SORCS2: variants seen among roughly 807,000 people sequenced by gnomAD.
The protein encoded by SORCS2 is VPS10 domain-containing receptor SorCS2.
A neutral mutation model predicts 141.6 loss-of-function variants in SORCS2; 100 were observed. The ratio of observed to expected loss-of-function variants is 0.71; its 90% confidence interval spans 0.60 to 0.83. SORCS2 has a LOEUF of 0.83. Ranked by LOEUF, SORCS2 falls within the 40% of genes least tolerant of loss-of-function variation. The pLI, the probability that SORCS2 is intolerant of heterozygous loss-of-function variation, is 0.00. For missense variants in SORCS2, 1,646 were observed against 1,560.2 expected (o/e 1.05, Z -0.93); for synonymous variants, 789 against 676.9 (o/e 1.17, Z -2.57).
At chr4:7,301,056 G>C (rs1021331325) in intron 1 of SORCS2, among the ~76,000 whole-genome samples, 3 of 152,128 alleles carry the variant, frequency 2.0e-5, no homozygotes, top group Non-Finnish European at 4.4e-5. Context: ...TGGTTTAGCA[G>C]CATCTCCGTG....
intron 2 of SORCS2, among the ~76,000 whole-genome samples, chr4:7,513,351 A>G (rs1732780294): frequency 6.6e-6 from 1 of 152,204 alleles, no homozygotes; most frequent in Non-Finnish European, 1.5e-5. Context: ...AACCCTGCAG[A>G]GGTGGGGCTG....
At chr4:7,511,087 G>A (rs1732613251) in intron 2 of SORCS2, among the ~76,000 whole-genome samples, 1 of 152,174 alleles carries the variant, frequency 6.6e-6, no homozygotes, top group Non-Finnish European at 1.5e-5. Context: ...GAGGATGAAT[G>A]AGGGAGAGAA....
intron 2 of SORCS2, among the ~76,000 whole-genome samples, chr4:7,507,423 C>A (rs895555405): frequency 6.6e-6 from 1 of 152,238 alleles, no homozygotes; most frequent in Non-Finnish European, 1.5e-5. Flanking sequence ...GTCCGCCCCC[C>A]TCGGCCTCCC....
chr4:7,659,572 C>CCTGT (rs1281493235), intron 5 of SORCS2, among the ~76,000 whole-genome samples: 1 of 152,216 alleles, frequency 6.6e-6, no homozygotes, highest in African/African-American at 2.4e-5. Context: ...CAGCCTTTGC[C>CCTGT]CTGTCATTGC....
intron 4 of SORCS2, among the ~76,000 whole-genome samples, chr4:7,649,762 T>A (rs963055209): frequency 6.6e-6 from 1 of 152,106 alleles, no homozygotes; most frequent in Non-Finnish European, 1.5e-5. Context: ...TTGGGCTTGA[T>A]GACCTGTTTC....
intron 2 of SORCS2, among the ~76,000 whole-genome samples, chr4:7,491,699 G>A (rs1017947408): frequency 1.3e-5 from 2 of 152,230 alleles, no homozygotes; most frequent in Non-Finnish European, 2.9e-5. Context: ...TTAAGTCTGC[G>A]TGACCCATGC....
chr4:7,615,662 T>A (rs1249474824), intron 3 of SORCS2, among the ~76,000 whole-genome samples: 1 of 152,190 alleles, frequency 6.6e-6, no homozygotes, highest in Non-Finnish European at 1.5e-5. Context: ...CCCCAACTGT[T>A]CTTCATCCTT....
chr4:7,692,346 G>T (rs922521503), intron 11 of SORCS2, among the ~76,000 whole-genome samples: 1 of 152,218 alleles, frequency 6.6e-6, no homozygotes, highest in African/African-American at 2.4e-5. Context: ...CCAGAGGCAG[G>T]CAGACAAGAG....
At chr4:7,411,342 A>G (rs1560262629) in intron 2 of SORCS2, among the ~76,000 whole-genome samples, 1 of 151,514 alleles carries the variant, frequency 6.6e-6, no homozygotes, top group Non-Finnish European at 1.5e-5. Flanking sequence ...TTCTCTGCCT[A>G]CTGACTTTCC....
At chr4:7,338,443 G>GATGGATGA (rs1553844801) in intron 1 of SORCS2, among the ~76,000 whole-genome samples, 1 of 152,014 alleles carries the variant, frequency 6.6e-6, no homozygotes, top group Non-Finnish European at 1.5e-5. Context: ...TGGATGGATG[G>GATGGATGA]ATGAATGGCC....
intron 1 of SORCS2, among the ~76,000 whole-genome samples, chr4:7,231,413 TG>T (rs143392884): frequency 0.012 from 1,867 of 152,324 alleles, 39 homozygotes; most frequent in African/African-American, 0.042. Context: ...ACCAAATATC[TG>T]GGCACCCCAT....
At chr4:7,707,269 C>T (rs1473263122) in intron 14 of SORCS2, among the ~76,000 whole-genome samples, 3 of 152,210 alleles carry the variant, frequency 2.0e-5, no homozygotes, top group Non-Finnish European at 2.9e-5. Context: ...CTTTAGGGAC[C>T]TCTGATCATG....
At chr4:7,495,178 G>C (rs139907295) in intron 2 of SORCS2, among the ~76,000 whole-genome samples, 2 of 152,200 alleles carry the variant, frequency 1.3e-5, no homozygotes, top group Non-Finnish European at 2.9e-5. Flanking sequence ...TCAAAGCCTC[G>C]CTTGCCCCAG....
chr4:7,243,749 G>A (rs1712874295), intron 1 of SORCS2, among the ~76,000 whole-genome samples: 1 of 152,190 alleles, frequency 6.6e-6, no homozygotes, highest in Non-Finnish European at 1.5e-5. Flanking sequence ...TAGGGCGTGG[G>A]GATCCCCCCC....
At chr4:7,706,449 G>GCTGGGCTCTGT (rs1262570728) in intron 14 of SORCS2, among the ~76,000 whole-genome samples, 7 of 100,300 alleles carry the variant, frequency 7.0e-5, no homozygotes, top group Admixed American at 3.0e-4. Context: ...CAGGGATGAG[G>GCTGGGCTCTGT]CTGGGCAGGG....
intron 1 of SORCS2, among the ~76,000 whole-genome samples, chr4:7,265,006 C>A (rs528102611): frequency 1.1e-3 from 164 of 152,374 alleles, no homozygotes; most frequent in Non-Finnish European, 1.8e-3. Context: ...CAGGCCCTGA[C>A]ACCAGCTTCT....
intron 1 of SORCS2, among the ~76,000 whole-genome samples, chr4:7,217,690 C>T (rs931962501): frequency 3.3e-5 from 5 of 152,134 alleles, no homozygotes; most frequent in South Asian, 4.1e-4. Flanking sequence ...CTCCTTGACT[C>T]GTTATGTAGC....
chr4:7,429,753 C>T (rs1283527619), intron 2 of SORCS2, among the ~76,000 whole-genome samples: 1 of 152,200 alleles, frequency 6.6e-6, no homozygotes, highest in Non-Finnish European at 1.5e-5. Context: ...GTGGACATAT[C>T]GTGGGTCGCG....
At chr4:7,542,196 T>G (rs1321224655) in intron 3 of SORCS2, among the ~76,000 whole-genome samples, 2 of 152,152 alleles carry the variant, frequency 1.3e-5, no homozygotes, top group African/African-American at 4.8e-5. Context: ...TGCCCTATCT[T>G]AAACAATCAG....
Sources: allele counts gnomAD v4.1 joint callset (sites outside exome capture counted in the v4.1 genomes callset), GRCh38; gene constraint gnomAD v4.1.1; transcripts MANE v1.5; gene names NCBI Gene and HGNC (gene_info 2026-07-23, HGNC 2026-07-21).